DENND5B: variants seen among roughly 807,000 people sequenced by gnomAD.
DENND5B encodes the protein DENN domain containing 5B.
DENND5B carries 34 observed loss-of-function variants against 140.6 expected under a neutral mutation model. The observed-to-expected ratio is 0.24, with a 90% CI of 0.18 to 0.32. The LOEUF (loss-of-function observed/expected upper bound fraction) is 0.32. DENND5B is among the 10% of genes least tolerant of loss of function. The pLI, the probability that DENND5B is intolerant of heterozygous loss-of-function variation, is 1.00. For synonymous variants in DENND5B, 551 were observed against 562.1 expected (o/e 0.98, Z 0.28); for missense variants, 1,142 against 1,560.2 (o/e 0.73, Z 4.52).
intron 3 of DENND5B, among the ~76,000 whole-genome samples, chr12:31,468,010 T>C (rs987801513): frequency 3.9e-5 from 6 of 152,066 alleles, no homozygotes; most frequent in Non-Finnish European, 5.9e-5. Context: ...TCCCAGCACT[T>C]TGAGAGGCCG....
chr12:31,417,006 C>A (rs1942780482), intron 11 of DENND5B, among the ~76,000 whole-genome samples: 1 of 138,298 alleles, frequency 7.2e-6, no homozygotes. Context: ...TTGGGAGGAT[C>A]ATCTGAGCCC....
At chr12:31,532,577 T>C (rs1948325428) in intron 1 of DENND5B, among the ~76,000 whole-genome samples, 1 of 152,118 alleles carries the variant, frequency 6.6e-6, no homozygotes, top group African/African-American at 2.4e-5. Flanking sequence ...TAGTGAGTTA[T>C]ATAGTAGTGA....
chr12:31,484,295 A>G (rs1345456948), intron 2 of DENND5B, among the ~76,000 whole-genome samples: 1 of 152,188 alleles, frequency 6.6e-6, no homozygotes, highest in Non-Finnish European at 1.5e-5. Flanking sequence ...AGGAGATGGC[A>G]GCCTTGGAGA....
chr12:31,494,541 T>C (rs1946686160), intron 2 of DENND5B, among the ~76,000 whole-genome samples: 1 of 152,100 alleles, frequency 6.6e-6, no homozygotes, highest in Non-Finnish European at 1.5e-5. Context: ...GCTACTCCCT[T>C]TGTACCTTCC....
At chr12:31,577,022 T>C (rs755928957) in intron 1 of DENND5B, among the ~76,000 whole-genome samples, 3 of 152,050 alleles carry the variant, frequency 2.0e-5, no homozygotes, top group African/African-American at 7.2e-5. Flanking sequence ...AAAAGAGCAA[T>C]AAGAGGTGGC....
intron 6 of DENND5B, among the ~76,000 whole-genome samples, chr12:31,443,527 T>C (rs974759295): frequency 1.3e-5 from 2 of 152,204 alleles, no homozygotes; most frequent in African/African-American, 4.8e-5. Context: ...CAATTTTGTA[T>C]TGAAACAGTT....
intron 1 of DENND5B, among the ~76,000 whole-genome samples, chr12:31,580,391 CT>C (rs1950176500): frequency 6.6e-6 from 1 of 152,000 alleles, no homozygotes; most frequent in South Asian, 2.1e-4. Context: ...TGTTAGATAC[CT>C]TTTTTTAGAA....
At chr12:31,427,779 G>A (rs917637942) in intron 8 of DENND5B, among the ~76,000 whole-genome samples, 35 of 151,988 alleles carry the variant, frequency 2.3e-4, no homozygotes, top group Admixed American at 1.8e-3. Context: ...AGACTGAGAC[G>A]GCAAGCCAGC....
chr12:31,402,436 C>T (rs1941855045), intron 15 of DENND5B, 62 bp downstream of exon 15: 1 of 1,527,546 alleles, frequency 6.5e-7, no homozygotes, highest in East Asian at 2.3e-5. Context: ...AAAAGCCAGA[C>T]AGAATCATCT....
At chr12:31,467,946 A>G (rs1438266297) in intron 3 of DENND5B, among the ~76,000 whole-genome samples, 1 of 152,114 alleles carries the variant, frequency 6.6e-6, no homozygotes, top group African/African-American at 2.4e-5. Flanking sequence ...GCCAAAATAA[A>G]TGAAATTTTA....
At chr12:31,566,623 T>G (rs1295793254) in intron 1 of DENND5B, among the ~76,000 whole-genome samples, 2 of 152,036 alleles carry the variant, frequency 1.3e-5, no homozygotes, top group Non-Finnish European at 2.9e-5. Flanking sequence ...TTTTAAAAAT[T>G]TTTTAAAGAA....
chr12:31,435,083 C>T (rs1800573358), intron 7 of DENND5B, among the ~76,000 whole-genome samples: 1 of 152,092 alleles, frequency 6.6e-6, no homozygotes, highest in African/African-American at 2.4e-5. Flanking sequence ...TACTTCCCTC[C>T]TTACCTGCCC....
intron 3 of DENND5B, among the ~76,000 whole-genome samples, chr12:31,476,767 C>A (rs1010689165): frequency 2.6e-5 from 4 of 152,074 alleles, no homozygotes; most frequent in African/African-American, 9.7e-5. Flanking sequence ...CCATTCTGGG[C>A]AACACAGTGA....
In DENND5B at chr12:31,386,753, C is replaced by T. The variant is rs1301848283; in HGVS notation, c.*850G>A. On this transcript the variant is annotated 3_prime_UTR_variant, in exon 21 of 21. Coordinates refer to ENST00000389082, the MANE Select transcript of DENND5B (RefSeq NM_144973.4). Reference sequence around the variant, plus strand: ...GATGGCCAAATTAAAAGTACAGAATCAAATTGCTGTTTGCAGTTCTTATCA... The same window carrying T: ...GATGGCCAAATTAAAAGTACAGAATTAAATTGCTGTTTGCAGTTCTTATCA... 1.3e-5 allele frequency: 2 copies of T among 152,164 alleles called. No homozygotes were observed. The highest frequency in any genetic ancestry group is 2.9e-5 in the Non-Finnish European group (2 of 68,042). 9.4% of individuals were successfully genotyped at this position (152,164 alleles called of 1,614,324 possible). A position where few individuals can be genotyped will look rare whatever the true frequency, so the allele number is the denominator to read the frequency against.
intron 1 of DENND5B, among the ~76,000 whole-genome samples, chr12:31,569,007 C>T (rs961305198): frequency 5.3e-5 from 8 of 151,256 alleles, no homozygotes; most frequent in Admixed American, 4.0e-4. Flanking sequence ...ACCTTAGCCT[C>T]CCAGGTAGCT....
At chr12:31,447,347 TAAGAG>T (rs1944317696) in intron 6 of DENND5B, among the ~76,000 whole-genome samples, 186 bp downstream of exon 6, 1 of 152,084 alleles carries the variant, frequency 6.6e-6, no homozygotes, top group African/African-American at 2.4e-5. Flanking sequence ...TTTCCTCTTC[TAAGAG>T]AAGAGGAACG....
chr12:31,522,104 T>G (rs893987757), intron 1 of DENND5B, among the ~76,000 whole-genome samples: 4 of 152,156 alleles, frequency 2.6e-5, no homozygotes, highest in African/African-American at 9.7e-5. Context: ...GTTTAAGACA[T>G]CCCCCACTCA....
Position 31,591,004 on chromosome 12 carries a change from G to C in DENND5B, c.-172C>G, listed in dbSNP as rs1028055458. On this transcript the variant is annotated 5_prime_UTR_variant, in exon 1 of 21. Coordinates refer to ENST00000389082, the MANE Select transcript of DENND5B (RefSeq NM_144973.4). Reference sequence around the variant, plus strand: ...CGCAGCCTGCCTCCTCGCTCGGCGCGGGGGAAGCGGCCGCGGGCTCGCGCG... The same window carrying C: ...CGCAGCCTGCCTCCTCGCTCGGCGCCGGGGAAGCGGCCGCGGGCTCGCGCG... 13 of 712,512 alleles carry C rather than the reference G, an allele frequency of 1.8e-5. No individual in the cohort carries two copies. In the African/African-American group the frequency reaches 2.1e-4, roughly 12 times the overall value. The allele number at this position is 712,512 out of a possible 1,614,324, so 44.1% of individuals were successfully genotyped here.
At chr12:31,550,504 G>A (rs1280702940) in intron 1 of DENND5B, among the ~76,000 whole-genome samples, 1 of 151,954 alleles carries the variant, frequency 6.6e-6, no homozygotes, top group Non-Finnish European at 1.5e-5. Context: ...TTGCTATTGT[G>A]AATAGTGCCA....
Sources: gnomAD v4.1 joint callset for allele counts (sites outside exome capture counted in the v4.1 genomes callset) on GRCh38, gnomAD v4.1.1 for gene constraint, MANE v1.5 for transcripts, NCBI Gene and HGNC (gene_info 2026-07-23, HGNC 2026-07-21) for gene names.